Variants in SEL1L3 observed in about 807,000 individuals in gnomAD.
SEL1L3 encodes the protein SEL1L family member 3, also known as protein sel-1 homolog 3.
SEL1L3 carries 76 observed loss-of-function variants against 142.8 expected under a neutral mutation model. The observed-to-expected ratio is 0.53, with a 90% confidence interval of 0.44 to 0.64. The LOEUF is 0.64. Ranked by LOEUF, SEL1L3 falls within the 30% of genes least tolerant of loss-of-function variation. The probability of loss-of-function intolerance (pLI) is 0.00; values close to 1 mark genes in which losing one functional copy is unlikely to be tolerated. For synonymous variants in SEL1L3, 504 were observed against 519.6 expected (o/e 0.97, Z 0.41); for missense variants, 1,262 against 1,381.7 (o/e 0.91, Z 1.37).
At chr4:25,843,099 T>C (rs1485440286) in intron 2 of SEL1L3, among the ~76,000 whole-genome samples, 1 of 151,966 alleles carries the variant, frequency 6.6e-6, no homozygotes, top group Non-Finnish European at 1.5e-5. Flanking sequence ...AGCGGGCCCC[T>C]GTGGCTGGAA....
chr4:25,818,543 G>A (rs926963343), intron 8 of SEL1L3, among the ~76,000 whole-genome samples: 3 of 152,160 alleles, frequency 2.0e-5, no homozygotes, highest in African/African-American at 7.2e-5. Flanking sequence ...CCGGTCCCCA[G>A]GAGGCCAATA....
intron 3 of SEL1L3, 63 bp from the exon 4 acceptor site, chr4:25,833,632 GT>G: frequency 7.0e-7 from 1 of 1,426,910 alleles, no homozygotes; most frequent in Non-Finnish European, 9.4e-7. Context: ...GGTAATTATG[GT>G]TAACAATGAC....
At position 25,818,110 on chromosome 4, in the gene SEL1L3, C is replaced by G. The variant is rs1228430260; in HGVS notation, c.1564+28G>C. ...AAACAAGGAGCCTTTCTAACCAGCG[C>G]CTAAAGCCGAGGCAAAGACTCAATT... On this transcript the variant is annotated intron_variant, in intron 9 of 23. Coordinates refer to ENST00000399878, the MANE Select transcript of SEL1L3 (RefSeq NM_015187.5). The G allele has an allele frequency of 8.1e-6, 13 of 1,606,514 alleles. No individual in the cohort carries two copies. The South Asian group carries it at 1.2e-4, about 15-fold the overall frequency.
intron 11 of SEL1L3, among the ~76,000 whole-genome samples, chr4:25,798,565 C>T (rs1712947665): frequency 6.6e-6 from 1 of 152,194 alleles, no homozygotes; most frequent in South Asian, 2.1e-4. Flanking sequence ...AGGTGGCTCA[C>T]ACCTGTAATC....
At position 25,756,408 on chromosome 4, in the gene SEL1L3, G is replaced by A. The variant is rs377220861; in HGVS notation, c.3259+1126C>T. Reference sequence around the variant, plus strand: ...TGTAAGAGCTAACATTTATTGAGAAGGTTTTATATGCCAGATAAATATAAC... The same window carrying A: ...TGTAAGAGCTAACATTTATTGAGAAAGTTTTATATGCCAGATAAATATAAC... On this transcript the variant is annotated intron_variant, in intron 23 of 23. Transcript: ENST00000399878. The A allele has an allele frequency of 2.6e-5, 26 of 984,892 alleles. 1 individual carries two copies. In the East Asian group the frequency reaches 6.8e-4, roughly 26 times the overall value. The allele number at this position is 984,892 out of a possible 1,614,324, so 61.0% of individuals were successfully genotyped here.
intron 2 of SEL1L3, among the ~76,000 whole-genome samples, chr4:25,845,977 A>AC (rs1026942048): frequency 6.6e-6 from 1 of 151,608 alleles, no homozygotes; most frequent in Admixed American, 6.6e-5. Flanking sequence ...GCCTTCCCCC[A>AC]CCCCCGCAGA....
intron 11 of SEL1L3, among the ~76,000 whole-genome samples, chr4:25,801,426 A>C (rs1250117470): frequency 6.6e-6 from 1 of 152,022 alleles, no homozygotes; most frequent in Admixed American, 6.6e-5. Context: ...AACTTATAAG[A>C]AGCAACCACT....
intron 16 of SEL1L3, among the ~76,000 whole-genome samples, chr4:25,777,213 T>C (rs896052548): frequency 2.0e-5 from 3 of 151,658 alleles, no homozygotes; most frequent in Non-Finnish European, 4.4e-5. Context: ...TCAGAAAAAA[T>C]AGACTTTAAG....
At chr4:25,825,350 C>G (rs977358362) in intron 6 of SEL1L3, among the ~76,000 whole-genome samples, 4 of 152,184 alleles carry the variant, frequency 2.6e-5, no homozygotes, top group African/African-American at 9.7e-5. Flanking sequence ...TGATGGTCAT[C>G]AATTTCACTG....
intron 13 of SEL1L3, among the ~76,000 whole-genome samples, chr4:25,784,915 G>C (rs761943488): frequency 1.3e-5 from 2 of 152,220 alleles, no homozygotes; most frequent in African/African-American, 4.8e-5. Context: ...CTTGTCATAA[G>C]AGAGAAACTC....
intron 9 of SEL1L3, among the ~76,000 whole-genome samples, chr4:25,813,587 G>T (rs1359887672): frequency 1.3e-5 from 2 of 152,210 alleles, no homozygotes; most frequent in Non-Finnish European, 2.9e-5. Flanking sequence ...CGTTTACTGA[G>T]TATGGATTTT....
chr4:25,806,328 C>T (rs1713573949), intron 9 of SEL1L3, among the ~76,000 whole-genome samples: 1 of 151,470 alleles, frequency 6.6e-6, no homozygotes, highest in Admixed American at 6.6e-5. Context: ...TGAGCCACCG[C>T]GCCCGGCAAA....
chr4:25,811,440 A>G (rs913730841), intron 9 of SEL1L3, among the ~76,000 whole-genome samples: 1 of 152,168 alleles, frequency 6.6e-6, no homozygotes, highest in African/African-American at 2.4e-5. Context: ...AATGAGGGAA[A>G]TGTGGAAGGA....
At chr4:25,725,050 G>A in the SEL1L3 span, among the ~76,000 whole-genome samples, 5 of 152,212 alleles carry the variant, frequency 3.3e-5, no homozygotes, top group Middle Eastern at 3.4e-3. Context: ...TCTGCAAATG[G>A]CTTCCTGGGA....
At chr4:25,732,461 CA>C in the SEL1L3 span, among the ~76,000 whole-genome samples, 1 of 152,152 alleles carries the variant, frequency 6.6e-6, no homozygotes, top group Non-Finnish European at 1.5e-5. Flanking sequence ...ACATTTCCAC[CA>C]ACAGTAAATG....
chr4:25,818,007 C>A, intron 9 of SEL1L3, 131 bp downstream of exon 9: 2 of 937,016 alleles, frequency 2.1e-6, no homozygotes, highest in Non-Finnish European at 3.1e-6. Context: ...GAATTTAAAT[C>A]TGAAATTAAA....
chr4:25,808,025 T>A (rs1713718732), intron 9 of SEL1L3, among the ~76,000 whole-genome samples: 1 of 152,248 alleles, frequency 6.6e-6, no homozygotes, highest in African/African-American at 2.4e-5. Flanking sequence ...ACTGCTCATT[T>A]TGCACATTTG....
chr4:25,742,796 G>A (rs181747440), downstream of SEL1L3, among the ~76,000 whole-genome samples: 10 of 152,212 alleles, frequency 6.6e-5, no homozygotes, highest in African/African-American at 2.2e-4. Flanking sequence ...TTGCAACTTT[G>A]TTGGATACTT....
At position 25,822,015 on chromosome 4, in the gene SEL1L3, CGAAG is replaced by C; in HGVS notation, c.1267_1270del (p.Leu423AlafsTer34). ...ACTCACCTGGGCGGGGTGCAGACTG[CGAAG>C]GCGATAGTACTTCAGGGGTCCAAAA... On this transcript the variant is annotated frameshift_variant, in exon 7 of 24. Transcript: ENST00000399878. LOFTEE classifies it high-confidence loss of function. 6.2e-7 allele frequency: 1 copy of C among 1,613,680 alleles called. No homozygotes were observed. Among genetic ancestry groups the C allele is most frequent in the Non-Finnish European group, 8.5e-7 (1 of 1,179,812 alleles).
Sources: allele counts gnomAD v4.1 joint callset (sites outside exome capture counted in the v4.1 genomes callset), GRCh38; gene constraint gnomAD v4.1.1; transcripts MANE v1.5; gene names NCBI Gene and HGNC (gene_info 2026-07-23, HGNC 2026-07-21).